RBFOX1: variants seen among roughly 807,000 people sequenced by gnomAD.
RBFOX1 encodes the protein RNA binding protein fox-1 homolog 1.
RBFOX1 carries 8 observed loss-of-function variants against 57.7 expected under a neutral mutation model. The ratio of observed to expected loss-of-function variants is 0.14; its 90% CI spans 0.08 to 0.25. The LOEUF is 0.25. Among genes scored for constraint, RBFOX1 ranks in the 10% least tolerant of loss-of-function variants. The pLI is 1.00. For missense variants in RBFOX1, 611 were observed against 548.5 expected (o/e 1.11, Z -1.14); for synonymous variants, 326 against 222.4 (o/e 1.47, Z -4.15).
At chr16:7,343,349 G>T (rs187965199) in intron 4 of RBFOX1, among the ~76,000 whole-genome samples, 217 of 152,234 alleles carry the variant, frequency 1.4e-3, no homozygotes, top group African/African-American at 4.8e-3. Context: ...AGGCAAGGGA[G>T]GAGCATGGGA....
intron 4 of RBFOX1, among the ~76,000 whole-genome samples, chr16:7,412,833 G>A (rs1169964493): frequency 6.6e-6 from 1 of 152,186 alleles, no homozygotes; most frequent in African/African-American, 2.4e-5. Context: ...GCGAGGTCAG[G>A]AGATCGAGAC....
intron 4 of RBFOX1, among the ~76,000 whole-genome samples, chr16:7,165,923 C>G (rs887874450): frequency 1.6e-5 from 2 of 124,984 alleles, no homozygotes; most frequent in African/African-American, 6.6e-5. Flanking sequence ...TGCACCCCAC[C>G]GCATGCACAT....
At chr16:6,060,388 G>T (rs1285232957) in intron 1 of RBFOX1, among the ~76,000 whole-genome samples, 1 of 152,038 alleles carries the variant, frequency 6.6e-6, no homozygotes, top group Non-Finnish European at 1.5e-5. Flanking sequence ...TTACAGCAAT[G>T]CCTAGCACAC....
chr16:6,136,576 C>T (rs9939521), intron 1 of RBFOX1, among the ~76,000 whole-genome samples: 15,993 of 152,122 alleles, frequency 0.11, 1,473 homozygotes, highest in African/African-American at 0.24. Flanking sequence ...TTCTTCAGAG[C>T]TCAAGTCTAA....
At chr16:7,415,763 C>T (rs1013724752) in intron 4 of RBFOX1, among the ~76,000 whole-genome samples, 3 of 145,330 alleles carry the variant, frequency 2.1e-5, no homozygotes, top group African/African-American at 8.3e-5. Context: ...TTTTCCAGTG[C>T]AGGAAAGTGG....
intron 4 of RBFOX1, among the ~76,000 whole-genome samples, chr16:5,998,985 G>A (rs2060539130): frequency 6.6e-6 from 1 of 152,106 alleles, no homozygotes; most frequent in South Asian, 2.1e-4. Flanking sequence ...AATCTATGTG[G>A]ATGAACTGTT....
intron 2 of RBFOX1, among the ~76,000 whole-genome samples, chr16:6,616,001 C>G (rs1480332037): frequency 6.6e-6 from 1 of 152,116 alleles, no homozygotes; most frequent in African/African-American, 2.4e-5. Flanking sequence ...GATTCTGAAT[C>G]CATATATAGA....
chr16:6,580,357 T>C (rs2097519547), intron 2 of RBFOX1, among the ~76,000 whole-genome samples: 1 of 152,100 alleles, frequency 6.6e-6, no homozygotes, highest in African/African-American at 2.4e-5. Flanking sequence ...TAAGCTGGAG[T>C]CATAACACAC....
chr16:7,307,768 T>G (rs901467502), intron 4 of RBFOX1, among the ~76,000 whole-genome samples: 7 of 152,134 alleles, frequency 4.6e-5, no homozygotes, highest in African/African-American at 7.2e-5. Flanking sequence ...ACACACCTAG[T>G]ATAGAGCATA....
chr16:6,913,439 A>G lies in RBFOX1; in HGVS notation c.-15-138618A>G, dbSNP rs559155374. Among the ~76,000 whole-genome samples the G allele has an allele frequency of 1.2e-3, 184 of 152,082 alleles. 2 individuals carry two copies. The highest frequency in any genetic ancestry group is 4.2e-3 in the African/African-American group (175 of 41,486). The stretch of plus-strand genomic sequence containing the variant: ...TGTTTGAGAACATCTTTCCTCTCAT[A>G]TCCCCCACCAGACCCTGAGCATGTT... On this transcript the variant is annotated intron_variant, in intron 3 of 15. Coordinates refer to ENST00000550418, the MANE Select transcript of RBFOX1 (RefSeq NM_018723.4).
intron 4 of RBFOX1, among the ~76,000 whole-genome samples, chr16:7,159,183 C>T (rs909849683): frequency 6.6e-5 from 10 of 152,054 alleles, no homozygotes; most frequent in Non-Finnish European, 1.3e-4. Context: ...CAAGTTGTTG[C>T]ATGTGCTAAT....
At chr16:5,989,843 AACACACACAC>A (rs199624083) in intron 4 of RBFOX1, among the ~76,000 whole-genome samples, 7 of 20,718 alleles carry the variant, frequency 3.4e-4, no homozygotes, top group African/African-American at 1.3e-3. Flanking sequence ...AACACCCCCT[AACACACACAC>A]ACACACACAC....
chr16:5,345,322 C>A (rs1028824930), intron 1 of RBFOX1, among the ~76,000 whole-genome samples: 1 of 152,204 alleles, frequency 6.6e-6, no homozygotes, highest in East Asian at 1.9e-4. Context: ...CATGCCCTTA[C>A]CCTTTTCCCC....
chr16:5,761,521 C>T (rs2053588329), intron 3 of RBFOX1, among the ~76,000 whole-genome samples: 1 of 152,058 alleles, frequency 6.6e-6, no homozygotes, highest in Non-Finnish European at 1.5e-5. Flanking sequence ...TGACAGAAGG[C>T]AAGGAAGAGG....
chr16:7,417,910 G>A (rs1259870153), intron 4 of RBFOX1, among the ~76,000 whole-genome samples: 1 of 151,988 alleles, frequency 6.6e-6, no homozygotes, highest in African/African-American at 2.4e-5. Context: ...AGATGTATTG[G>A]GTTGAGACTT....
At chr16:6,751,957 A>T (rs1284330320) in intron 3 of RBFOX1, among the ~76,000 whole-genome samples, 3 of 152,112 alleles carry the variant, frequency 2.0e-5, no homozygotes, top group African/African-American at 7.2e-5. Context: ...TTTAATTGAG[A>T]TTTTATGTCC....
At chr16:7,469,706 C>G (rs2061210158) in intron 4 of RBFOX1, among the ~76,000 whole-genome samples, 1 of 152,200 alleles carries the variant, frequency 6.6e-6, no homozygotes, top group Middle Eastern at 3.4e-3. Flanking sequence ...GAAATTTCCC[C>G]TTTTAAATAT....
At chr16:7,443,785 A>G (rs1022611791) in intron 4 of RBFOX1, among the ~76,000 whole-genome samples, 2 of 152,130 alleles carry the variant, frequency 1.3e-5, no homozygotes, top group Non-Finnish European at 2.9e-5. Context: ...CGTTGCTCCT[A>G]TTTTATACAT....
chr16:5,756,510 G>A lies in RBFOX1; in HGVS notation c.319-110793G>A, dbSNP rs1451284498. ...GTTTCTTACCTCCTTCTCCATCCAG[G>A]CCTTGTCTCACATCCAGGGGCCAAT... On this transcript the variant is annotated intron_variant, in intron 3 of 19. Transcript: ENST00000641259. 2.0e-5 allele frequency among the ~76,000 whole-genome samples: 3 copies of A among 152,090 alleles called. No individual in the cohort carries two copies. The East Asian group carries it at 5.8e-4, about 29-fold the overall frequency.
Sources: allele counts gnomAD v4.1 joint callset (sites outside exome capture counted in the v4.1 genomes callset), GRCh38; gene constraint gnomAD v4.1.1; transcripts MANE v1.5; gene names NCBI Gene and HGNC (gene_info 2026-07-23, HGNC 2026-07-21).